WWOX: variants seen among roughly 807,000 people sequenced by gnomAD.
WWOX encodes the protein WW domain containing oxidoreductase.
Under a neutral mutation model 46.2 loss-of-function variants are expected in WWOX, and 69 were observed. That is an observed-to-expected ratio of 1.49 (90% confidence interval 1.23 to 1.82). WWOX has a LOEUF of 1.82. WWOX is among the 40% of genes most tolerant of loss of function. The probability of loss-of-function intolerance (pLI) is 0.00; values close to 1 mark genes in which losing one functional copy is unlikely to be tolerated. For synonymous variants in WWOX, 359 were observed against 202.6 expected (o/e 1.77, Z -6.56); for missense variants, 919 against 542.6 (o/e 1.69, Z -6.89).
At chr16:78,821,591 T>C (rs866555983) in intron 8 of WWOX, among the ~76,000 whole-genome samples, 38 of 152,330 alleles carry the variant, frequency 2.5e-4, no homozygotes, top group African/African-American at 9.1e-4. Context: ...ACCTGTGGTA[T>C]TTTTATACCC....
At chr16:78,538,129 A>C (rs2043803684) in intron 8 of WWOX, among the ~76,000 whole-genome samples, 1 of 148,008 alleles carries the variant, frequency 6.8e-6, no homozygotes, top group Non-Finnish European at 1.5e-5. Context: ...TTTGGCAGTT[A>C]CCTGAAAGAA....
At chr16:78,144,028 A>C (rs1324732995) in intron 4 of WWOX, among the ~76,000 whole-genome samples, 1 of 152,162 alleles carries the variant, frequency 6.6e-6, no homozygotes, top group Non-Finnish European at 1.5e-5. Context: ...ACAAGTGTGT[A>C]CACACACATA....
intron 8 of WWOX, among the ~76,000 whole-genome samples, chr16:78,958,030 T>A (rs1224101198): frequency 6.6e-6 from 1 of 152,218 alleles, no homozygotes; most frequent in African/African-American, 2.4e-5. Flanking sequence ...ATGAGCTGTT[T>A]TCTGGCGCGT....
chr16:78,953,679 G>A (rs889374952), intron 8 of WWOX, among the ~76,000 whole-genome samples: 3 of 152,056 alleles, frequency 2.0e-5, no homozygotes, highest in South Asian at 4.2e-4. Flanking sequence ...CAAGCATTTC[G>A]GTAGGCAGTG....
rs777569118 is a variant in WWOX, at chr16:78,109,834, G to C, written c.229G>C (p.Asp77His). Residue 77 changes from aspartate (D) to histidine (H), a missense_variant and splice_region_variant, in exon 3 of 9, where the codon GAC (aspartate) becomes CAC (histidine). By Grantham distance (81) the Asp-to-His change is moderately conservative (BLOSUM62 -1). Coordinates refer to ENST00000566780, the MANE Select transcript of WWOX (RefSeq NM_016373.4). The stretch of plus-strand genomic sequence containing the variant: ...TGAGAACGGACAAGTGTTTTTTGTT[G>C]AGTAAGTGTCTGCAAAGAAACCACT... The part of the protein sequence containing the change: ...TDENGQVFFV[D>H]HINKRTTYLD... The C allele has an allele frequency of 3.7e-6, 6 of 1,614,094 alleles. No individual in the cohort carries two copies. The South Asian group carries it at 6.6e-5, about 18-fold the overall frequency.
chr16:79,202,492 G>A (rs1345953229), intron 8 of WWOX: 1 of 152,122 alleles, frequency 6.6e-6, no homozygotes, highest in Non-Finnish European at 1.5e-5. Flanking sequence ...GTATGAAAAA[G>A]CCCAAGCCAA....
At chr16:78,700,413 A>G (rs897684390) in intron 8 of WWOX, among the ~76,000 whole-genome samples, 1 of 150,786 alleles carries the variant, frequency 6.6e-6, no homozygotes, top group Non-Finnish European at 1.5e-5. Context: ...TTGTGACCTT[A>G]TTACTTCTGA....
intron 5 of WWOX, among the ~76,000 whole-genome samples, chr16:78,286,375 G>GT (rs901408708): frequency 6.6e-6 from 1 of 152,224 alleles, no homozygotes; most frequent in Non-Finnish European, 1.5e-5. Flanking sequence ...TGAGGTGGGG[G>GT]TTGTCCCCCC....
chr16:78,919,513 C>A (rs866701063), intron 8 of WWOX, among the ~76,000 whole-genome samples: 18 of 113,898 alleles, frequency 1.6e-4, no homozygotes, highest in South Asian at 1.3e-3. Flanking sequence ...TTTCTTTTAT[C>A]TTTTTGTTTT....
At chr16:78,538,600 A>T (rs2043816142) in intron 8 of WWOX, among the ~76,000 whole-genome samples, 1 of 152,208 alleles carries the variant, frequency 6.6e-6, no homozygotes, top group Non-Finnish European at 1.5e-5. Flanking sequence ...GAATTGCTCA[A>T]GCTGCAGTTT....
intron 8 of WWOX, among the ~76,000 whole-genome samples, chr16:78,764,378 C>T (rs2049875444): frequency 6.6e-6 from 1 of 151,160 alleles, no homozygotes; most frequent in South Asian, 2.1e-4. Flanking sequence ...CCGCCTCCTC[C>T]TCCAGGCCCA....
chr16:78,116,046 T>C (rs2032768445), intron 4 of WWOX, among the ~76,000 whole-genome samples: 1 of 152,196 alleles, frequency 6.6e-6, no homozygotes, highest in Non-Finnish European at 1.5e-5. Context: ...TCTATATTTA[T>C]GGGGTTCATG....
intron 8 of WWOX, among the ~76,000 whole-genome samples, chr16:78,615,718 A>C: frequency 6.6e-6 from 1 of 152,078 alleles, no homozygotes; most frequent in Non-Finnish European, 1.5e-5. Flanking sequence ...AAGAAAGGGA[A>C]GGAAGAAATG....
intron 8 of WWOX, among the ~76,000 whole-genome samples, chr16:78,972,822 C>T (rs911064833): frequency 1.3e-5 from 2 of 152,182 alleles, no homozygotes; most frequent in Non-Finnish European, 2.9e-5. Context: ...TAATGGCAAA[C>T]TTAGAACAGA....
chr16:79,162,454 C>T (rs1440662581), intron 8 of WWOX, among the ~76,000 whole-genome samples: 1 of 152,158 alleles, frequency 6.6e-6, no homozygotes, highest in African/African-American at 2.4e-5. Context: ...AGGATGCTGA[C>T]TCTCAGCTGT....
chr16:78,334,825 CACACACAT>C (rs540888469), intron 5 of WWOX, among the ~76,000 whole-genome samples: 48,158 of 129,906 alleles, frequency 0.37, 8,817 homozygotes, highest in Non-Finnish European at 0.46. Flanking sequence ...CACACACACA[CACACACAT>C]ACACACACAC....
rs147018238 is a variant in WWOX at position 78,320,984 on chromosome 16, G to C, written c.517-65876G>C. On this transcript the variant is annotated intron_variant, in intron 5 of 8. Coordinates refer to ENST00000566780, the MANE Select transcript of WWOX (RefSeq NM_016373.4). Reference sequence around the variant, plus strand: ...TTTACAATTAGAGTCTGCATTGTTTGTAGCTTGATTCTATTTATAATGTAC... The same window carrying C: ...TTTACAATTAGAGTCTGCATTGTTTCTAGCTTGATTCTATTTATAATGTAC... 6.2e-4 allele frequency among the ~76,000 whole-genome samples: 94 copies of C among 152,210 alleles called. 1 individual carries two copies. The highest frequency in any genetic ancestry group is 2.0e-3 in the African/African-American group (83 of 41,532).
At chr16:79,164,624 C>T (rs1478233756) in intron 8 of WWOX, among the ~76,000 whole-genome samples, 1 of 152,164 alleles carries the variant, frequency 6.6e-6, no homozygotes, top group Non-Finnish European at 1.5e-5. Context: ...ACTCCCCTCA[C>T]TCTAACCTTG....
At chr16:78,373,769 A>G (rs1159212472) in intron 5 of WWOX, among the ~76,000 whole-genome samples, 1 of 151,742 alleles carries the variant, frequency 6.6e-6, no homozygotes, top group Non-Finnish European at 1.5e-5. Context: ...AGTTTTTCTT[A>G]TTTTTAAACT....
Sources: allele counts gnomAD v4.1 joint callset (sites outside exome capture counted in the v4.1 genomes callset), GRCh38; gene constraint gnomAD v4.1.1; transcripts MANE v1.5; gene names NCBI Gene and HGNC (gene_info 2026-07-23, HGNC 2026-07-21).